Variants in NBEA observed in about 807,000 individuals in gnomAD.
The protein encoded by NBEA is lysosomal-trafficking regulator 2.
In NBEA, 44 loss-of-function variants were observed where a neutral mutation model predicts 343.4. The ratio of observed to expected loss-of-function variants is 0.13; its 90% CI spans 0.10 to 0.16. The LOEUF (loss-of-function observed/expected upper bound fraction) is 0.16, where lower values mean the gene tolerates loss of function less well. Among genes scored for constraint, NBEA ranks in the 10% least tolerant of loss-of-function variants. NBEA has a pLI of 1.00. For missense variants in NBEA, 2,555 were observed against 3,631.3 expected (o/e 0.70, Z 7.62); for synonymous variants, 1,175 against 1,238.7 (o/e 0.95, Z 1.08).
chr13:35,027,667 A>G (rs2062062445), intron 1 of NBEA, among the ~76,000 whole-genome samples: 1 of 151,964 alleles, frequency 6.6e-6, no homozygotes, highest in African/African-American at 2.4e-5. Context: ...TTCTCAGAGC[A>G]AAAGTTTTTA....
At chr13:35,340,120 T>G (rs1366789469) in intron 36 of NBEA, among the ~76,000 whole-genome samples, 1 of 152,154 alleles carries the variant, frequency 6.6e-6, no homozygotes, top group African/African-American at 2.4e-5. Flanking sequence ...GCTATTCCAC[T>G]GCTGCTTATG....
intron 38 of NBEA, among the ~76,000 whole-genome samples, chr13:35,429,101 AG>A (rs1016807403): frequency 7.2e-5 from 11 of 152,162 alleles, no homozygotes; most frequent in African/African-American, 2.4e-4. Context: ...CCCAGTGGGG[AG>A]GGGGAGGGAT....
Position 35,472,542 on chromosome 13 carries a change from T to C in NBEA, c.6585+6T>C, listed in dbSNP as rs1566184190. ...TCAAGAAGATCGACACGAAAGTGAG[T>C]TAAAGCGATTCCATGTACAGTATTG... On this transcript the variant is annotated splice_donor_region_variant and intron_variant, in intron 41 of 58. Transcript: ENST00000379939. 1 of 1,613,970 alleles carries C rather than the reference T, an allele frequency of 6.2e-7. No homozygotes were observed.
At chr13:35,008,728 A>G (rs1256859781) in intron 1 of NBEA, among the ~76,000 whole-genome samples, 6 of 152,212 alleles carry the variant, frequency 3.9e-5, no homozygotes, top group African/African-American at 1.4e-4. Context: ...AGTAATCTAC[A>G]GATTTACATA....
At chr13:35,456,627 TTGAG>T (rs1426212860) in intron 40 of NBEA, among the ~76,000 whole-genome samples, 2 of 152,064 alleles carry the variant, frequency 1.3e-5, no homozygotes, top group Non-Finnish European at 2.9e-5. Context: ...CAAATAACTA[TTGAG>T]TAACTGAAAT....
chr13:35,444,023 T>G (rs1360101702), intron 39 of NBEA, among the ~76,000 whole-genome samples: 1 of 151,950 alleles, frequency 6.6e-6, no homozygotes, highest in East Asian at 1.9e-4. Context: ...GAAAAATATT[T>G]ACTTATTAGG....
chr13:35,545,552 T>C (rs1042121667), intron 41 of NBEA, among the ~76,000 whole-genome samples: 9 of 152,264 alleles, frequency 5.9e-5, no homozygotes, highest in African/African-American at 2.2e-4. Flanking sequence ...CAGCCTGTGC[T>C]AATTTTACTA....
intron 40 of NBEA, among the ~76,000 whole-genome samples, chr13:35,467,457 G>A (rs1439729787): frequency 2.7e-5 from 4 of 150,784 alleles, no homozygotes; most frequent in Non-Finnish European, 4.4e-5. Flanking sequence ...GGGTGACAGA[G>A]CAAGACTCCA....
intron 41 of NBEA, among the ~76,000 whole-genome samples, chr13:35,490,167 A>C (rs2076451139): frequency 6.6e-6 from 1 of 151,960 alleles, no homozygotes; most frequent in Admixed American, 6.6e-5. Context: ...AGAAGGCTAT[A>C]ACTTTATTAA....
At chr13:34,990,324 G>C (rs2060707340) in intron 1 of NBEA, among the ~76,000 whole-genome samples, 1 of 151,110 alleles carries the variant, frequency 6.6e-6, no homozygotes, top group East Asian at 1.9e-4. Flanking sequence ...ACTTCTGCCA[G>C]GATATCCAGA....
intron 33 of NBEA, among the ~76,000 whole-genome samples, chr13:35,226,004 T>C (rs1326718292): frequency 6.6e-6 from 1 of 152,198 alleles, no homozygotes; most frequent in Non-Finnish European, 1.5e-5. Context: ...AAAAATATTA[T>C]ATTTTACTAA....
rs918773830 is a variant in NBEA, at chr13:35,526,388, G to A, written c.6586-24089G>A. Among the ~76,000 whole-genome samples the A allele has an allele frequency of 1.2e-4, 18 of 152,292 alleles. No homozygotes were observed. The South Asian group carries it at 1.7e-3, about 14-fold the overall frequency. ...AGTTTTTGGCCAGTGGCCCATGATT[G>A]TAATCTCAGCACTTTAGGAGGTCGA... On this transcript the variant is annotated intron_variant, in intron 41 of 58. Coordinates refer to ENST00000379939, the MANE Select transcript of NBEA (RefSeq NM_001385012.1).
intron 35 of NBEA, among the ~76,000 whole-genome samples, chr13:35,298,704 G>A (rs1208449746): frequency 2.0e-5 from 3 of 151,846 alleles, no homozygotes; most frequent in Non-Finnish European, 4.4e-5. Flanking sequence ...ATAATTTAGT[G>A]ATCACCTAAA....
At chr13:35,625,879 G>A (rs1466053227) in intron 48 of NBEA, among the ~76,000 whole-genome samples, 1 of 152,118 alleles carries the variant, frequency 6.6e-6, no homozygotes, top group African/African-American at 2.4e-5. Context: ...ATGGAGATAA[G>A]GACGTATAGA....
intron 45 of NBEA, among the ~76,000 whole-genome samples, chr13:35,567,870 A>T (rs1032477264): frequency 6.6e-6 from 1 of 152,164 alleles, no homozygotes; most frequent in Non-Finnish European, 1.5e-5. Context: ...CAGCTGATTT[A>T]AAATTAATCC....
At chr13:35,315,653 T>C (rs2037665007) in intron 36 of NBEA, among the ~76,000 whole-genome samples, 1 of 152,174 alleles carries the variant, frequency 6.6e-6, no homozygotes, top group Non-Finnish European at 1.5e-5. Flanking sequence ...ATAATATTTA[T>C]GTTTAGCACT....
At chr13:34,952,672 T>C (rs2059384341) in intron 1 of NBEA, among the ~76,000 whole-genome samples, 1 of 152,170 alleles carries the variant, frequency 6.6e-6, no homozygotes, top group Non-Finnish European at 1.5e-5. Flanking sequence ...AATTGTGATT[T>C]CTCTTTCAGT....
At chr13:35,590,518 T>A (rs1413819303) in intron 46 of NBEA, among the ~76,000 whole-genome samples, 1 of 152,152 alleles carries the variant, frequency 6.6e-6, no homozygotes, top group Non-Finnish European at 1.5e-5. Context: ...AGATTTCTTT[T>A]CACTAAGCCC....
At chr13:35,574,387 A>G (rs2080614952) in intron 45 of NBEA, among the ~76,000 whole-genome samples, 1 of 126,248 alleles carries the variant, frequency 7.9e-6, no homozygotes, top group African/African-American at 3.4e-5. Flanking sequence ...TATCAAAAAA[A>G]AAGAAAAACA....
Sources: allele counts gnomAD v4.1 joint callset (sites outside exome capture counted in the v4.1 genomes callset), GRCh38; gene constraint gnomAD v4.1.1; transcripts MANE v1.5; gene names NCBI Gene and HGNC (gene_info 2026-07-23, HGNC 2026-07-21).